DOCK4: variants seen among roughly 807,000 people sequenced by gnomAD.
DOCK4 encodes dedicator of cytokinesis protein 4.
Under a neutral mutation model 268.1 loss-of-function variants are expected in DOCK4, and 97 were observed. The observed-to-expected ratio is 0.36, with a 90% CI of 0.31 to 0.43. The LOEUF (loss-of-function observed/expected upper bound fraction) is 0.43, where lower values mean the gene tolerates loss of function less well. Among genes scored for constraint, DOCK4 ranks in the 20% least tolerant of loss-of-function variants. DOCK4 has a pLI of 1.00. For synonymous variants in DOCK4, 954 were observed against 887.2 expected (o/e 1.08, Z -1.34); for missense variants, 2,145 against 2,455.7 (o/e 0.87, Z 2.67).
intron 12 of DOCK4, among the ~76,000 whole-genome samples, chr7:111,916,434 G>A (rs901669301): frequency 6.6e-6 from 1 of 152,126 alleles, no homozygotes; most frequent in Non-Finnish European, 1.5e-5. Flanking sequence ...CGATTATAAT[G>A]AAACCAGGAT....
intron 16 of DOCK4, among the ~76,000 whole-genome samples, chr7:111,889,741 T>C (rs1808139908): frequency 6.6e-6 from 1 of 152,156 alleles, no homozygotes; most frequent in African/African-American, 2.4e-5. Context: ...ACAATAGACT[T>C]TTACTGTCTA....
chr7:111,770,235 A>AG (rs201030403), intron 36 of DOCK4, among the ~76,000 whole-genome samples: 1 of 136,946 alleles, frequency 7.3e-6, no homozygotes, highest in African/African-American at 3.6e-5. Flanking sequence ...AAAAAAAAAA[A>AG]AAAAAGAAAA....
chr7:112,105,983 G>A (rs1468993806), intron 1 of DOCK4, among the ~76,000 whole-genome samples: 3 of 152,144 alleles, frequency 2.0e-5, no homozygotes, highest in South Asian at 2.1e-4. Flanking sequence ...GAGCCACTGC[G>A]CCCAGCCAGA....
chr7:111,871,856 C>T (rs1586229003), intron 20 of DOCK4, 134 bp downstream of exon 20: 5 of 554,036 alleles, frequency 9.0e-6, no homozygotes, highest in Middle Eastern at 2.8e-4. Flanking sequence ...AGGGAAGAGA[C>T]TATCTCAAGA....
chr7:111,950,207 A>G (rs1337496846), intron 8 of DOCK4, among the ~76,000 whole-genome samples: 1 of 152,248 alleles, frequency 6.6e-6, no homozygotes, highest in Non-Finnish European at 1.5e-5. Context: ...GATTACAGGC[A>G]TAAGCCACCG....
chr7:111,901,636 T>C lies in DOCK4; in HGVS notation c.1317+41A>G, dbSNP rs12154775. 290,481 of 1,597,982 alleles carry C rather than the reference T, an allele frequency of 0.18. 28,303 individuals are homozygous for C. Among genetic ancestry groups the C allele is most frequent in the African/African-American group, 0.35 (25,859 of 74,408 alleles). On this transcript the variant is annotated intron_variant, in intron 14 of 52. Transcript: ENST00000428084. ...ATTAAAGATTAAGTGAAAGCAATTA[T>C]ACAGACTTGTTTGACCTGGAAATAT... is the stretch of plus-strand genomic sequence containing the variant.
chr7:112,055,462 G>C (rs1310584100), intron 1 of DOCK4, among the ~76,000 whole-genome samples: 1 of 152,140 alleles, frequency 6.6e-6, no homozygotes, highest in Non-Finnish European at 1.5e-5. Context: ...GAAAACCCAT[G>C]CAGATGTGGG....
intron 40 of DOCK4, among the ~76,000 whole-genome samples, chr7:111,758,997 G>A (rs1797215393): frequency 6.6e-6 from 1 of 152,052 alleles, no homozygotes; most frequent in Admixed American, 6.6e-5. Flanking sequence ...CTAGTTCTAG[G>A]TAGGTGAAGT....
intron 1 of DOCK4, among the ~76,000 whole-genome samples, chr7:112,090,652 CAG>C (rs1297986431): frequency 6.6e-6 from 1 of 152,204 alleles, no homozygotes; most frequent in Non-Finnish European, 1.5e-5. Flanking sequence ...AAAGATTAGA[CAG>C]ATTATTTTTC....
At chr7:111,931,275 G>T (rs1376708161) in intron 12 of DOCK4, among the ~76,000 whole-genome samples, 1 of 152,168 alleles carries the variant, frequency 6.6e-6, no homozygotes, top group African/African-American at 2.4e-5. Flanking sequence ...AGGCTTTATG[G>T]TACAATGGTT....
rs200235580 is a variant in DOCK4 at position 111,877,202 on chromosome 7, A to T, written c.1588-16T>A. The T allele has an allele frequency of 2.0e-5, 28 of 1,425,594 alleles. No individual in the cohort carries two copies. In the South Asian group the frequency reaches 3.0e-4, roughly 16 times the overall value. The allele number at this position is 1,425,594 out of a possible 1,614,324, so 88.3% of individuals were successfully genotyped here. ...TTTCTTCACACTGTTAAAAATATTT[A>T]AAAAAACATAAGGGAAGGGGAAGAG... On this transcript the variant is annotated splice_polypyrimidine_tract_variant and intron_variant, in intron 16 of 52. Coordinates refer to ENST00000428084, the MANE Select transcript of DOCK4 (RefSeq NM_001363540.2).
rs183937123 is a variant in DOCK4, at chr7:111,758,579, G to T, written c.4329+45C>A. The T allele has an allele frequency of 2.5e-5, 40 of 1,600,810 alleles. No homozygotes were observed. In the East Asian group the frequency reaches 8.3e-4, roughly 33 times the overall value. ...CCAAGGGCTGTGCCCCAAGGGGCTC[G>T]CAGTCTATCTGAGGAGTTAGCATGT... On this transcript the variant is annotated intron_variant, in intron 41 of 52. Transcript: ENST00000428084.
intron 40 of DOCK4, among the ~76,000 whole-genome samples, chr7:111,759,786 A>G (rs1009404631): frequency 8.3e-5 from 8 of 96,104 alleles, no homozygotes; most frequent in Non-Finnish European, 1.5e-4. Flanking sequence ...ACAAATAATC[A>G]GGGTGGGGGG....
At chr7:111,970,890 C>T (rs1410928535) in intron 8 of DOCK4, among the ~76,000 whole-genome samples, 1 of 152,094 alleles carries the variant, frequency 6.6e-6, no homozygotes, top group Non-Finnish European at 1.5e-5. Context: ...ACTTTGCAGG[C>T]TTAACATACT....
chr7:111,887,503 C>T (rs910240872), intron 16 of DOCK4, among the ~76,000 whole-genome samples: 2 of 152,066 alleles, frequency 1.3e-5, no homozygotes, highest in Non-Finnish European at 2.9e-5. Context: ...AGGAGCACAT[C>T]GTCAGGCCAA....
At chr7:111,748,573 C>T (rs949878763) in intron 42 of DOCK4, among the ~76,000 whole-genome samples, 15 of 152,136 alleles carry the variant, frequency 9.9e-5, no homozygotes, top group African/African-American at 3.6e-4. Context: ...TAACATACTA[C>T]TAAACACCCA....
intron 13 of DOCK4, among the ~76,000 whole-genome samples, chr7:111,912,941 A>T (rs1792245357): frequency 6.6e-6 from 1 of 152,038 alleles, no homozygotes; most frequent in Admixed American, 6.5e-5. Context: ...TTTAGAAATT[A>T]AAATTTTTTA....
At chr7:111,919,999 A>T (rs1436598132) in intron 12 of DOCK4, among the ~76,000 whole-genome samples, 2 of 152,206 alleles carry the variant, frequency 1.3e-5, no homozygotes, top group Non-Finnish European at 2.9e-5. Context: ...AAACAACATA[A>T]TGAAGACTAA....
At chr7:112,169,392 G>A (rs1274344627) in intron 1 of DOCK4, among the ~76,000 whole-genome samples, 1 of 152,110 alleles carries the variant, frequency 6.6e-6, no homozygotes, top group African/African-American at 2.4e-5. Flanking sequence ...TGGCAATACA[G>A]CTTGAAAAAT....
Sources: gnomAD v4.1 joint callset for allele counts (sites outside exome capture counted in the v4.1 genomes callset) on GRCh38, gnomAD v4.1.1 for gene constraint, MANE v1.5 for transcripts, NCBI Gene and HGNC (gene_info 2026-07-23, HGNC 2026-07-21) for gene names.